PUS1: variants seen among roughly 807,000 people sequenced by gnomAD.
PUS1 encodes the protein pseudouridylate synthase 1 homolog.
Under a neutral mutation model 38.5 loss-of-function variants are expected in PUS1, and 25 were observed. That is an observed-to-expected ratio of 0.65 (90% confidence interval 0.47 to 0.91). The LOEUF (loss-of-function observed/expected upper bound fraction) is 0.91, where lower values mean the gene tolerates loss of function less well. Ranked by LOEUF, PUS1 falls within the 40% of genes least tolerant of loss-of-function variation. The probability of loss-of-function intolerance (pLI) is 0.00; values close to 1 mark genes in which losing one functional copy is unlikely to be tolerated. For missense variants in PUS1, 597 were observed against 612.3 expected, an observed-to-expected ratio of 0.97 and a Z score of 0.26; for synonymous variants, 282 against 260.4, an observed-to-expected ratio of 1.08 and a Z score of -0.80.
At chr12:131,931,980 G>A in intron 2 of PUS1, 195 bp from the exon 3 acceptor site, 1 of 679,512 alleles carries the variant, frequency 1.5e-6, no homozygotes, top group South Asian at 1.6e-5. Context: ...CCACCCCCTA[G>A]CATGGAGCAG....
rs765656398 is a variant in PUS1 at position 131,929,719 on chromosome 12, G to A, written c.-4G>A. 1.2e-5 allele frequency: 19 copies of A among 1,586,972 alleles called. No individual in the cohort carries two copies. Among genetic ancestry groups the A allele is most frequent in the East Asian group, 2.3e-5 (1 of 43,414 alleles). ...GCGGGGTCGGGTGCACTGGTAGCCT[G>A]CGCATGGGCCTCCAGCTTCGCGCGC... is the stretch of plus-strand genomic sequence containing the variant. On this transcript the variant is annotated 5_prime_UTR_variant, in exon 1 of 6. Transcript: ENST00000376649.
rs576499448 is a variant in PUS1 at position 131,944,996 on chromosome 12, C to A, written c.*1410C>A. ...GGGAGGGGCTCAGCGGAGGAAGTGC[C>A]GTGCATACACGTGGCCTCCCAGCCT... is the stretch of plus-strand genomic sequence containing the variant. On this transcript the variant is annotated 3_prime_UTR_variant, in exon 6 of 6. Transcript: ENST00000376649. 6.6e-6 allele frequency: 1 copy of A among 152,296 alleles called. No homozygotes were observed. Among genetic ancestry groups the A allele is most frequent in the South Asian group, 2.1e-4 (1 of 4,838 alleles). 9.4% of individuals were successfully genotyped at this position (152,296 alleles called of 1,614,324 possible).
intron 3 of PUS1, among the ~76,000 whole-genome samples, chr12:131,937,902 A>G (rs761896126): frequency 3.3e-5 from 5 of 152,012 alleles, no homozygotes; most frequent in Non-Finnish European, 7.4e-5. Flanking sequence ...ATCATCCTTT[A>G]CCCTGAAACA....
At chr12:131,934,800 C>T (rs965459628) in intron 3 of PUS1, 8 of 152,330 alleles carry the variant, frequency 5.3e-5, no homozygotes, top group East Asian at 3.9e-4. Flanking sequence ...CTTGCTCTTC[C>T]GAGTGCCTGG....
chr12:131,929,832 C>CGCCCAGCCCA, intron 1 of PUS1, 36 bp downstream of exon 1: 4 of 1,506,518 alleles, frequency 2.7e-6, no homozygotes, highest in Non-Finnish European at 3.6e-6. Context: ...CCGCTATGCC[C>CGCCCAGCCCA]GCCCAGCCCA....
intron 2 of PUS1, 34 bp downstream of exon 2, chr12:131,930,169 G>C (rs973746407): frequency 7.2e-7 from 1 of 1,382,740 alleles, no homozygotes; most frequent in South Asian, 1.7e-5. Flanking sequence ...GGTCCCGCGG[G>C]GTTTAGGTGC....
intron 3 of PUS1, among the ~76,000 whole-genome samples, chr12:131,933,103 G>A (rs1186493043): frequency 6.6e-6 from 1 of 151,830 alleles, no homozygotes; most frequent in Non-Finnish European, 1.5e-5. Context: ...GTCTTCCCTA[G>A]ACACTTGGGG....
chr12:131,935,517 T>G (rs755643676), intron 3 of PUS1, among the ~76,000 whole-genome samples: 11 of 152,204 alleles, frequency 7.2e-5, no homozygotes, highest in Non-Finnish European at 1.2e-4. Context: ...AGTAACAGTT[T>G]AACATTTTTG....
rs1046082302 is a variant in PUS1, at chr12:131,943,480, A to C, written c.1237-59A>C. ...AAGCCTGTCATGGGCCCCTGTGGGCATCCAGGAGCAGTGGAGAGAGTGCTT... is the reference window on the plus strand; with the variant it reads ...AAGCCTGTCATGGGCCCCTGTGGGCCTCCAGGAGCAGTGGAGAGAGTGCTT... On this transcript the variant is annotated intron_variant, in intron 5 of 5. Coordinates refer to ENST00000376649, the MANE Select transcript of PUS1 (RefSeq NM_025215.6). The C allele has an allele frequency of 4.2e-6, 6 of 1,433,534 alleles. No individual in the cohort carries two copies. In the African/African-American group the frequency reaches 8.4e-5, roughly 20 times the overall value. 88.8% of individuals were successfully genotyped at this position (1,433,534 alleles called of 1,614,324 possible). A position where few individuals can be genotyped will look rare whatever the true frequency, so the allele number is the denominator to read the frequency against.
rs977836890 is a variant in PUS1, at chr12:131,929,285, C to G, written c.-438C>G. On this transcript the variant is annotated 5_prime_UTR_variant, in exon 1 of 6. Transcript: ENST00000376649. ...GGTCCGGCTCCGGCTCAGTCAGCCG[C>G]GTCGCGAATGGGGCAGGAGCGAGCC... The G allele has an allele frequency of 2.8e-5, 5 of 175,586 alleles. No individual in the cohort carries two copies. Among genetic ancestry groups the G allele is most frequent in the Non-Finnish European group, 5.9e-5 (5 of 84,204 alleles). The allele number at this position is 175,586 out of a possible 1,614,324, so 10.9% of individuals were successfully genotyped here.
At chr12:131,932,967 T>G (rs1593289390) in intron 3 of PUS1, 1 of 340,906 alleles carries the variant, frequency 2.9e-6, no homozygotes, top group East Asian at 9.6e-5. Context: ...TGGCGGCAGG[T>G]GCGAGAGAGT....
intron 3 of PUS1, among the ~76,000 whole-genome samples, chr12:131,936,996 C>T (rs1324216363): frequency 6.6e-6 from 1 of 152,188 alleles, no homozygotes. Context: ...CCCAGGATGT[C>T]TCGAGTGTTC....
In PUS1 at chr12:131,945,336, A is replaced by G. The variant is rs1354183320; in HGVS notation, c.*1750A>G. 2 of 152,226 alleles carry G rather than the reference A, an allele frequency of 1.3e-5. No individual in the cohort carries two copies. Among genetic ancestry groups the G allele is most frequent in the Non-Finnish European group, 2.9e-5 (2 of 68,084 alleles). 9.4% of individuals were successfully genotyped at this position (152,226 alleles called of 1,614,324 possible). ...AGTGGGGCTCACTGCTTCGGGAGCC[A>G]GGGAGTGCAGGTGTGAGGCCCACTG... is the stretch of plus-strand genomic sequence containing the variant. On this transcript the variant is annotated 3_prime_UTR_variant, in exon 6 of 6. Transcript: ENST00000376649.
chr12:131,934,732 G>C (rs532231237), intron 3 of PUS1: 2 of 152,344 alleles, frequency 1.3e-5, no homozygotes, highest in South Asian at 4.1e-4. Flanking sequence ...GAGCCGGAGA[G>C]AACAGATAGC....
chr12:131,932,227 C>T lies in PUS1; in HGVS notation c.356C>T (p.Ala119Val). The T allele has an allele frequency of 6.2e-7, 1 of 1,614,052 alleles. No individual in the cohort carries two copies. Among genetic ancestry groups the T allele is most frequent in the Non-Finnish European group, 8.5e-7 (1 of 1,179,892 alleles). Residue 119 changes from alanine to valine, a missense_variant, in exon 3 of 6, where the codon GCC (alanine) becomes GTC (valine). By Grantham distance (64) the Ala-to-Val change is moderately conservative. Coordinates refer to ENST00000376649, the MANE Select transcript of PUS1 (RefSeq NM_025215.6). ...FKTIEDDLVS[A>V]LVRSGCIPEN... ...ACAATTGAAGATGACTTGGTGTCCG[C>T]CCTCGTCCGGTCAGGCTGTATTCCT...
At chr12:131,933,195 AT>A (rs34546409) in intron 3 of PUS1, among the ~76,000 whole-genome samples, 49,393 of 135,826 alleles carry the variant, frequency 0.36, 10,175 homozygotes, top group Non-Finnish European at 0.49. Context: ...GCCTGGCTAA[AT>A]TTTTTTTTTT....
intron 5 of PUS1, among the ~76,000 whole-genome samples, chr12:131,942,610 G>A (rs1024196764): frequency 1.3e-5 from 2 of 152,168 alleles, no homozygotes; most frequent in Non-Finnish European, 2.9e-5. Flanking sequence ...GTTTCACCAT[G>A]TTAGCCAGGA....
chr12:131,930,373 C>T (rs952624581), intron 2 of PUS1, among the ~76,000 whole-genome samples: 2 of 152,240 alleles, frequency 1.3e-5, no homozygotes, highest in Admixed American at 6.5e-5. Context: ...GCGGGGTTCA[C>T]TTGCTGGGTG....
chr12:131,933,994 G>A (rs761947080), intron 3 of PUS1, among the ~76,000 whole-genome samples: 6 of 152,240 alleles, frequency 3.9e-5, no homozygotes, highest in Admixed American at 1.3e-4. Context: ...CGAGTGACAT[G>A]TCCACCGGAC....
Sources: allele counts gnomAD v4.1 joint callset (sites outside exome capture counted in the v4.1 genomes callset), GRCh38; gene constraint gnomAD v4.1.1; transcripts MANE v1.5; gene names NCBI Gene and HGNC (gene_info 2026-07-23, HGNC 2026-07-21).